DNTT: variants seen among roughly 807,000 people sequenced by gnomAD.
DNTT encodes nucleosidetriphosphate:DNA deoxynucleotidylexotransferase.
A neutral mutation model predicts 60.9 loss-of-function variants in DNTT; 47 were observed. That is an observed-to-expected ratio of 0.77 (90% CI 0.61 to 0.98). The LOEUF (loss-of-function observed/expected upper bound fraction) is 0.98, where lower values mean the gene tolerates loss of function less well. Ranked by LOEUF, DNTT falls within the 50% of genes least tolerant of loss-of-function variation. DNTT has a pLI of 0.00. For synonymous variants in DNTT, 224 were observed against 221.2 expected (o/e 1.01, Z -0.11); for missense variants, 665 against 627.5 (o/e 1.06, Z -0.64).
chr10:96,304,435 G>A lies in DNTT; in HGVS notation c.-63G>A. The A allele has an allele frequency of 1.3e-6, 2 of 1,595,034 alleles. No individual in the cohort carries two copies. Among genetic ancestry groups the A allele is most frequent in the Non-Finnish European group, 8.6e-7 (1 of 1,168,254 alleles). ...AAACCCTTCGTGTAGGAGGGTGGCA[G>A]TCTCCCTCCCTTCTGGAGACACCAC... is the stretch of plus-strand genomic sequence containing the variant. On this transcript the variant is annotated 5_prime_UTR_variant, in exon 1 of 11. Coordinates refer to ENST00000371174, the MANE Select transcript of DNTT (RefSeq NM_004088.4).
intron 6 of DNTT, among the ~76,000 whole-genome samples, chr10:96,326,030 G>A (rs560860378): frequency 1.3e-5 from 2 of 152,306 alleles, no homozygotes; most frequent in South Asian, 2.1e-4. Flanking sequence ...TACCAAAAAG[G>A]AAAGCCAATT....
chr10:96,337,886 A>G (rs778632016), intron 10 of DNTT, among the ~76,000 whole-genome samples: 13 of 152,232 alleles, frequency 8.5e-5, no homozygotes, highest in Non-Finnish European at 1.6e-4. Context: ...GTTCAGAACT[A>G]CAGCCCGTAG....
intron 1 of DNTT, 76 bp from the exon 2 acceptor site, chr10:96,318,276 A>C: frequency 3.9e-6 from 6 of 1,524,886 alleles, no homozygotes; most frequent in Non-Finnish European, 4.4e-6. Context: ...TGGAATGCTC[A>C]GAAACCTTGA....
At chr10:96,327,277 A>G (rs556577857) in intron 6 of DNTT, among the ~76,000 whole-genome samples, 191 bp from the exon 7 acceptor site, 1 of 152,272 alleles carries the variant, frequency 6.6e-6, no homozygotes, top group South Asian at 2.1e-4. Flanking sequence ...AAAGCAAAGA[A>G]CCACTGTTAC....
At chr10:96,310,413 A>C (rs546783389) in intron 1 of DNTT, among the ~76,000 whole-genome samples, 1 of 152,308 alleles carries the variant, frequency 6.6e-6, no homozygotes, top group East Asian at 1.9e-4. Flanking sequence ...CTGCTCTAGA[A>C]AATAAAAGTT....
intron 1 of DNTT, among the ~76,000 whole-genome samples, chr10:96,307,878 C>T (rs1404953134): frequency 6.7e-6 from 1 of 150,112 alleles, no homozygotes; most frequent in Non-Finnish European, 1.5e-5. Context: ...CTCAACGGAT[C>T]CTCTCACCTC....
intron 1 of DNTT, among the ~76,000 whole-genome samples, chr10:96,305,281 A>G (rs764080889): frequency 4.6e-5 from 7 of 152,192 alleles, no homozygotes; most frequent in African/African-American, 7.2e-5. Context: ...CACTGTTAAG[A>G]CAGCTCTGTC....
chr10:96,312,257 C>A (rs146944569), intron 1 of DNTT, among the ~76,000 whole-genome samples: 2 of 152,204 alleles, frequency 1.3e-5, no homozygotes, highest in Non-Finnish European at 2.9e-5. Context: ...AAGTGGAGTT[C>A]TTGGGCTGTG....
chr10:96,313,575 T>A (rs534456649), intron 1 of DNTT, among the ~76,000 whole-genome samples: 1 of 152,306 alleles, frequency 6.6e-6, no homozygotes, highest in Non-Finnish European at 1.5e-5. Flanking sequence ...CCCCCAGGCT[T>A]GGTTTTCTCC....
chr10:96,327,405 C>G, intron 6 of DNTT, 63 bp from the exon 7 acceptor site: 2 of 1,612,618 alleles, frequency 1.2e-6, no homozygotes, highest in Non-Finnish European at 1.7e-6. Flanking sequence ...TCCCCTTCTA[C>G]TGAGGGCTGG....
At position 96,328,809 on chromosome 10, in the gene DNTT, G is replaced by T; in HGVS notation, c.1092G>T (p.Val364=). The change falls in exon 8 of 11, where the codon GTG becomes GTT. Residue 364 remains valine, a synonymous_variant. Transcript: ENST00000371174. ...ATGAAGAGCAACTTTTACAGAAAGTGATGAACTTATGGGAAAAGAAGGTGA... is the reference window on the plus strand; with the variant it reads ...ATGAAGAGCAACTTTTACAGAAAGTTATGAACTTATGGGAAAAGAAGGTGA... ...TEDEEQLLQK[V]MNLWEKKGLL... is the part of the protein sequence containing the mutation. The T allele has an allele frequency of 5.6e-6, 9 of 1,613,504 alleles. No homozygotes were observed. The highest frequency in any genetic ancestry group is 5.9e-6 in the Non-Finnish European group (7 of 1,179,798).
chr10:96,315,524 A>C (rs1844776269), intron 1 of DNTT, among the ~76,000 whole-genome samples: 1 of 152,038 alleles, frequency 6.6e-6, no homozygotes, highest in African/African-American at 2.4e-5. Context: ...TGTCATCCAC[A>C]AATTTGTTTG....
chr10:96,315,126 C>T (rs548045950), intron 1 of DNTT, among the ~76,000 whole-genome samples: 5 of 152,110 alleles, frequency 3.3e-5, no homozygotes, highest in African/African-American at 1.2e-4. Context: ...CAACACAAGA[C>T]GATGGGAAAT....
intron 1 of DNTT, among the ~76,000 whole-genome samples, chr10:96,310,202 T>C (rs967701736): frequency 1.3e-5 from 2 of 152,202 alleles, no homozygotes; most frequent in African/African-American, 4.8e-5. Flanking sequence ...TGCCTTTTGT[T>C]CCCATAAACA....
chr10:96,318,251 T>A, intron 1 of DNTT, 101 bp from the exon 2 acceptor site: 20 of 1,392,242 alleles, frequency 1.4e-5, no homozygotes, highest in Non-Finnish European at 2.0e-5. Context: ...CTAGCATGTG[T>A]CTTTCTCCAT....
intron 1 of DNTT, among the ~76,000 whole-genome samples, chr10:96,306,335 G>A (rs180903495): frequency 1.7e-3 from 266 of 152,200 alleles, no homozygotes; most frequent in African/African-American, 5.9e-3. Flanking sequence ...TTTGTAATCC[G>A]CCTGCCTTGG....
At chr10:96,313,031 G>A (rs2133984586) in intron 1 of DNTT, among the ~76,000 whole-genome samples, 1 of 152,236 alleles carries the variant, frequency 6.6e-6, no homozygotes, top group Admixed American at 6.5e-5. Flanking sequence ...CTGGGCACCT[G>A]ACAGTCAAGC....
Position 96,322,673 on chromosome 10 carries a change from G to A in DNTT, c.695G>A (p.Gly232Glu), listed in dbSNP as rs1844894245. The A allele has an allele frequency of 3.1e-6, 5 of 1,602,654 alleles. No homozygotes were observed. In the East Asian group the frequency reaches 9.0e-5, roughly 29 times the overall value. Residue 232 changes from glycine to glutamate, a missense_variant, in exon 5 of 11, where the codon GGA becomes GAA. Transcript: ENST00000371174. ...KGIIEEIIEDGESSEVKAVLN... is the reference protein window; with the variant it reads ...KGIIEEIIEDEESSEVKAVLN... ...GTCCATTAGGAGATTATTGAAGATG[G>A]AGAAAGTTCTGAAGTTAAAGCTGTG... is the stretch of plus-strand genomic sequence containing the variant.
At chr10:96,308,468 G>A (rs1012574929) in intron 1 of DNTT, among the ~76,000 whole-genome samples, 3 of 152,168 alleles carry the variant, frequency 2.0e-5, no homozygotes, top group South Asian at 4.1e-4. Flanking sequence ...TGCCACCCGG[G>A]TCAAGCTGGA....
Sources: allele counts gnomAD v4.1 joint callset (sites outside exome capture counted in the v4.1 genomes callset), GRCh38; gene constraint gnomAD v4.1.1; transcripts MANE v1.5; gene names NCBI Gene and HGNC (gene_info 2026-07-23, HGNC 2026-07-21).